Variants in GSG1L observed in about 807,000 individuals in gnomAD.
GSG1L encodes GSG1 like, also known as germ cell-specific gene 1-like protein.
A neutral mutation model predicts 42.1 loss-of-function variants in GSG1L; 24 were observed. That is an observed-to-expected ratio of 0.57 (90% CI 0.41 to 0.80). The LOEUF (loss-of-function observed/expected upper bound fraction) is 0.80, where lower values mean the gene tolerates loss of function less well. Among genes scored for constraint, GSG1L ranks in the 30% least tolerant of loss-of-function variants. The probability of loss-of-function intolerance (pLI) is 0.00; values close to 1 mark genes in which losing one functional copy is unlikely to be tolerated. For synonymous variants in GSG1L, 215 were observed against 203.5 expected (o/e 1.06, Z -0.48); for missense variants, 445 against 472.2 (o/e 0.94, Z 0.53).
intron 2 of GSG1L, among the ~76,000 whole-genome samples, chr16:27,947,860 A>G (rs1005025764): frequency 3.3e-5 from 5 of 152,162 alleles, no homozygotes; most frequent in African/African-American, 1.2e-4. Flanking sequence ...CGGCTCTCGG[A>G]GCCCTTTGCA....
intron 2 of GSG1L, among the ~76,000 whole-genome samples, chr16:27,946,676 GAAAGAAAGAAAGAAAGAATT>G (rs2084876045): frequency 7.5e-5 from 11 of 146,766 alleles, no homozygotes; most frequent in African/African-American, 1.3e-4. Context: ...AAGAAAGAAA[GAAAGAAAGAAAGAAAGAATT>G]AAATGAAGCA....
At chr16:27,832,494 T>C (rs705924) in intron 4 of GSG1L, among the ~76,000 whole-genome samples, 39,985 of 152,136 alleles carry the variant, frequency 0.26, 5,666 homozygotes, top group Admixed American at 0.4. Context: ...ATTGGCTTTT[T>C]TTCACCCAAC....
chr16:28,012,944 C>T (rs577053553), intron 1 of GSG1L, among the ~76,000 whole-genome samples: 1 of 150,302 alleles, frequency 6.7e-6, no homozygotes, highest in African/African-American at 2.5e-5. Context: ...CTTACAAGTG[C>T]CCAGGTGCAG....
At chr16:27,915,309 GA>G (rs1045505185) in intron 2 of GSG1L, among the ~76,000 whole-genome samples, 5 of 152,100 alleles carry the variant, frequency 3.3e-5, no homozygotes, top group Non-Finnish European at 7.3e-5. Flanking sequence ...AGAGCCAAGG[GA>G]GTCTGTGATT....
At chr16:27,872,996 A>G (rs1485837640) in intron 3 of GSG1L, among the ~76,000 whole-genome samples, 1 of 152,148 alleles carries the variant, frequency 6.6e-6, no homozygotes, top group Non-Finnish European at 1.5e-5. Context: ...TACTTTCCTA[A>G]TAAAGTTGCT....
intron 3 of GSG1L, among the ~76,000 whole-genome samples, chr16:27,879,066 G>T (rs1004969648): frequency 1.1e-4 from 16 of 152,198 alleles, no homozygotes; most frequent in Non-Finnish European, 2.9e-5. Context: ...CACGGATCCA[G>T]CAGGATTCTT....
chr16:27,963,646 G>C (rs1052884869), intron 1 of GSG1L, among the ~76,000 whole-genome samples: 1 of 152,168 alleles, frequency 6.6e-6, no homozygotes, highest in African/African-American at 2.4e-5. Flanking sequence ...CTTCCCAAAG[G>C]AGAAAGTTCA....
Position 27,788,040 on chromosome 16 carries a change from C to G in GSG1L, c.*3330G>C, listed in dbSNP as rs1406107441. The G allele has an allele frequency of 6.6e-6, 1 of 152,192 alleles. No individual in the cohort carries two copies. Among genetic ancestry groups the G allele is most frequent in the Non-Finnish European group, 1.5e-5 (1 of 68,038 alleles). 9.4% of individuals were successfully genotyped at this position (152,192 alleles called of 1,614,324 possible). On this transcript the variant is annotated 3_prime_UTR_variant, in exon 7 of 7. Transcript: ENST00000447459. ...ATGGAAAGTGAATTAACAAATTGTTCGCTTGATGAATCAATGCGTGAATGA... is the reference window on the plus strand; with the variant it reads ...ATGGAAAGTGAATTAACAAATTGTTGGCTTGATGAATCAATGCGTGAATGA...
At chr16:28,061,474 AC>A (rs1295094794) in intron 1 of GSG1L, among the ~76,000 whole-genome samples, 1 of 152,084 alleles carries the variant, frequency 6.6e-6, no homozygotes, top group Non-Finnish European at 1.5e-5. Context: ...TTGGTCAGCC[AC>A]CCCCAGAAGA....
intron 2 of GSG1L, among the ~76,000 whole-genome samples, chr16:27,887,761 G>T (rs2084046470): frequency 6.6e-6 from 1 of 152,142 alleles, no homozygotes; most frequent in African/African-American, 2.4e-5. Context: ...GAGTTTCAGA[G>T]AACTTTTCTT....
intron 3 of GSG1L, among the ~76,000 whole-genome samples, chr16:27,854,348 A>C (rs1444577147): frequency 1.0e-5 from 1 of 99,098 alleles, no homozygotes; most frequent in Non-Finnish European, 2.0e-5. Flanking sequence ...AGGGGGACGG[A>C]AGGAGGAGGA....
chr16:27,834,151 C>T (rs914708401), intron 4 of GSG1L, among the ~76,000 whole-genome samples: 1 of 152,036 alleles, frequency 6.6e-6, no homozygotes, highest in African/African-American at 2.4e-5. Context: ...AAGTATGAAT[C>T]AATGTTGAAT....
chr16:27,930,149 C>T (rs2084639267), intron 2 of GSG1L, among the ~76,000 whole-genome samples: 1 of 151,974 alleles, frequency 6.6e-6, no homozygotes, highest in Non-Finnish European at 1.5e-5. Flanking sequence ...TCCCAGCTTG[C>T]TCCTAGCAGC....
chr16:27,856,602 G>A (rs1037079583), intron 3 of GSG1L, among the ~76,000 whole-genome samples: 4 of 152,224 alleles, frequency 2.6e-5, no homozygotes, highest in Non-Finnish European at 4.4e-5. Context: ...ACAAGCCATC[G>A]CTCCCGGCTC....
At chr16:28,048,860 G>C (rs1005806679) in intron 1 of GSG1L, among the ~76,000 whole-genome samples, 1 of 152,076 alleles carries the variant, frequency 6.6e-6, no homozygotes, top group African/African-American at 2.4e-5. Context: ...AAGAAAACTA[G>C]GATGTATCAG....
intron 1 of GSG1L, among the ~76,000 whole-genome samples, chr16:28,052,656 C>T (rs2086233177): frequency 6.6e-6 from 1 of 152,360 alleles, no homozygotes; most frequent in East Asian, 1.9e-4. Flanking sequence ...GAGCCCCCCA[C>T]TGACCTGCTA....
chr16:28,034,005 C>T (rs2085998317), intron 1 of GSG1L, among the ~76,000 whole-genome samples: 1 of 152,116 alleles, frequency 6.6e-6, no homozygotes, highest in African/African-American at 2.4e-5. Flanking sequence ...AGATCAGAGA[C>T]CAGACTGAGG....
chr16:27,822,345 TCAAA>T (rs2083159808), intron 5 of GSG1L, among the ~76,000 whole-genome samples: 1 of 152,190 alleles, frequency 6.6e-6, no homozygotes, highest in Admixed American at 6.5e-5. Context: ...AGCCAGGCGC[TCAAA>T]CAGTGTCTGC....
At chr16:28,023,560 C>A (rs1390191175) in intron 1 of GSG1L, among the ~76,000 whole-genome samples, 1 of 152,204 alleles carries the variant, frequency 6.6e-6, no homozygotes, top group African/African-American at 2.4e-5. Context: ...CAGTTCCTGT[C>A]CCACCAGCAT....
Sources: gnomAD v4.1 joint callset for allele counts (sites outside exome capture counted in the v4.1 genomes callset) on GRCh38, gnomAD v4.1.1 for gene constraint, MANE v1.5 for transcripts, NCBI Gene and HGNC (gene_info 2026-07-23, HGNC 2026-07-21) for gene names.